The following CSMD1 variants were observed in gnomAD, a reference collection of about 807,000 sequenced individuals.
The protein encoded by CSMD1 is CUB and sushi domain-containing protein 1.
CSMD1 carries 213 observed loss-of-function variants against 417.5 expected under a neutral mutation model. That is an observed-to-expected ratio of 0.51 (90% CI 0.46 to 0.57). The LOEUF is 0.57. Among genes scored for constraint, CSMD1 ranks in the 20% least tolerant of loss-of-function variants. The probability of loss-of-function intolerance (pLI) is 0.00; values close to 1 mark genes in which losing one functional copy is unlikely to be tolerated. For synonymous variants in CSMD1, 2,862 were observed against 1,736.8 expected, an observed-to-expected ratio of 1.65 and a Z score of -16.11; for missense variants, 6,923 against 4,529.7, an observed-to-expected ratio of 1.53 and a Z score of -15.17.
intron 9 of CSMD1, among the ~76,000 whole-genome samples, chr8:3,575,794 T>G (rs535589109): frequency 7.1e-4 from 108 of 151,686 alleles, no homozygotes; most frequent in African/African-American, 2.5e-3. Flanking sequence ...TATATACAAC[T>G]TAGTCTGGAA....
chr8:4,304,929 A>T (rs1240144081), intron 3 of CSMD1, among the ~76,000 whole-genome samples: 1 of 152,102 alleles, frequency 6.6e-6, no homozygotes, highest in Non-Finnish European at 1.5e-5. Context: ...GATGATGAAC[A>T]AGTACTCTTT....
intron 3 of CSMD1, among the ~76,000 whole-genome samples, chr8:4,222,285 TG>T (rs1182910312): frequency 1.7e-4 from 26 of 152,266 alleles, no homozygotes; most frequent in African/African-American, 6.0e-4. Flanking sequence ...TCCCAGGTAT[TG>T]CTTTTAATTT....
intron 7 of CSMD1, among the ~76,000 whole-genome samples, chr8:3,656,102 G>A (rs994906017): frequency 6.6e-6 from 1 of 152,148 alleles, no homozygotes; most frequent in South Asian, 2.1e-4. Context: ...GATGCTACCA[G>A]AAGATCATGG....
intron 1 of CSMD1, among the ~76,000 whole-genome samples, chr8:4,771,118 A>T (rs559508457): frequency 6.6e-6 from 1 of 152,326 alleles, no homozygotes; most frequent in South Asian, 2.1e-4. Flanking sequence ...ATATAACCTC[A>T]TGTTAAAATT....
At chr8:3,928,986 T>C (rs763788532) in intron 5 of CSMD1, among the ~76,000 whole-genome samples, 17 of 150,530 alleles carry the variant, frequency 1.1e-4, no homozygotes, top group Non-Finnish European at 1.8e-4. Context: ...TTGGTTGTCA[T>C]TGTATAAGAA....
intron 5 of CSMD1, among the ~76,000 whole-genome samples, chr8:3,823,803 T>A (rs916770782): frequency 2.0e-5 from 3 of 152,168 alleles, no homozygotes; most frequent in Non-Finnish European, 1.5e-5. Flanking sequence ...CATAAATATG[T>A]TAAAAATGAC....
intron 1 of CSMD1, among the ~76,000 whole-genome samples, chr8:4,738,579 G>T (rs184643966): frequency 6.6e-6 from 1 of 151,974 alleles, no homozygotes; most frequent in Admixed American, 6.6e-5. Context: ...CTTGAATGGG[G>T]ACACAAAGCC....
At chr8:3,890,640 C>G (rs1357138318) in intron 5 of CSMD1, among the ~76,000 whole-genome samples, 6 of 152,098 alleles carry the variant, frequency 3.9e-5, no homozygotes, top group African/African-American at 1.4e-4. Flanking sequence ...AGAAATGGAG[C>G]ATATTTCTAG....
At chr8:2,953,290 T>C (rs1179785854) in intron 65 of CSMD1, among the ~76,000 whole-genome samples, 2 of 152,152 alleles carry the variant, frequency 1.3e-5, no homozygotes, top group Non-Finnish European at 2.9e-5. Flanking sequence ...GAGAAATTCC[T>C]TTCATCATAT....
At chr8:3,141,121 A>C (rs1818412612) in intron 41 of CSMD1, among the ~76,000 whole-genome samples, 1 of 152,206 alleles carries the variant, frequency 6.6e-6, no homozygotes, top group African/African-American at 2.4e-5. Context: ...GGAAAGCTAC[A>C]TGATGATGAG....
chr8:4,242,488 G>T (rs904242648), intron 3 of CSMD1, among the ~76,000 whole-genome samples: 6 of 152,298 alleles, frequency 3.9e-5, no homozygotes, highest in African/African-American at 1.4e-4. Flanking sequence ...GAGACTTCCT[G>T]AGAGCAATTT....
rs539069094 is a variant in CSMD1, at chr8:4,159,628, G to A, written c.416-127529C>T. ...TTGTGAGACAGAGTCTCACTCTGTCGCCCAGGCTGGAGCACAGTGGCGCGA... is the reference window on the plus strand; with the variant it reads ...TTGTGAGACAGAGTCTCACTCTGTCACCCAGGCTGGAGCACAGTGGCGCGA... On this transcript the variant is annotated intron_variant, in intron 3 of 69. Coordinates refer to ENST00000635120, the MANE Select transcript of CSMD1 (RefSeq NM_033225.6). Among the ~76,000 whole-genome samples the A allele has an allele frequency of 3.0e-3, 449 of 152,198 alleles. 1 individual carries two copies. The highest frequency in any genetic ancestry group is 0.01 in the African/African-American group (422 of 41,526).
chr8:4,835,031 G>C (rs1369792409), intron 1 of CSMD1, among the ~76,000 whole-genome samples: 2 of 143,646 alleles, frequency 1.4e-5, no homozygotes, highest in Non-Finnish European at 3.0e-5. Flanking sequence ...ACAGTATTGG[G>C]GGAACAAATG....
intron 5 of CSMD1, among the ~76,000 whole-genome samples, chr8:3,875,761 G>C (rs908601055): frequency 1.3e-5 from 2 of 152,208 alleles, no homozygotes; most frequent in African/African-American, 2.4e-5. Context: ...GAGACAGCCA[G>C]TGAAGACCTC....
intron 7 of CSMD1, among the ~76,000 whole-genome samples, chr8:3,635,979 T>C (rs1214566528): frequency 6.6e-6 from 1 of 152,152 alleles, no homozygotes; most frequent in Non-Finnish European, 1.5e-5. Context: ...GGCTCTTTTG[T>C]AATAACACTT....
chr8:3,606,279 C>A (rs910847198), intron 8 of CSMD1, among the ~76,000 whole-genome samples: 2 of 152,084 alleles, frequency 1.3e-5, no homozygotes, highest in African/African-American at 4.8e-5. Flanking sequence ...GCGAACATCA[C>A]AGAGGGCCCT....
chr8:3,988,454 C>T (rs1021314113), intron 5 of CSMD1, among the ~76,000 whole-genome samples: 1 of 152,170 alleles, frequency 6.6e-6, no homozygotes, highest in African/African-American at 2.4e-5. Flanking sequence ...CACAAACACC[C>T]TAACCTCTCA....
chr8:3,941,536 T>C (rs1222993411), intron 5 of CSMD1, among the ~76,000 whole-genome samples: 1 of 152,178 alleles, frequency 6.6e-6, no homozygotes, highest in African/African-American at 2.4e-5. Flanking sequence ...TTTAAAGTGC[T>C]CTCTCTCCGA....
At chr8:4,919,865 G>C (rs550733959) in intron 1 of CSMD1, among the ~76,000 whole-genome samples, 1 of 152,198 alleles carries the variant, frequency 6.6e-6, no homozygotes, top group East Asian at 1.9e-4. Context: ...TGTGAAGGGA[G>C]AGCATTCCTT....
Sources: allele counts gnomAD v4.1 joint callset (sites outside exome capture counted in the v4.1 genomes callset), GRCh38; gene constraint gnomAD v4.1.1; transcripts MANE v1.5; gene names NCBI Gene and HGNC (gene_info 2026-07-23, HGNC 2026-07-21).